ARHGAP32: variants seen among roughly 807,000 people sequenced by gnomAD.
ARHGAP32 encodes the protein Rho GTPase activating protein 32, also known as rho GTPase-activating protein 32.
ARHGAP32 carries 51 observed loss-of-function variants against 186.5 expected under a neutral mutation model. The ratio of observed to expected loss-of-function variants is 0.27; its 90% CI spans 0.22 to 0.35. ARHGAP32 has a LOEUF of 0.35. ARHGAP32 is among the 10% of genes least tolerant of loss of function. The pLI is 1.00. For synonymous variants in ARHGAP32, 950 were observed against 964.3 expected (o/e 0.99, Z 0.27); for missense variants, 2,186 against 2,623.5 (o/e 0.83, Z 3.64).
At chr11:128,984,799 G>A (rs1434654833) in intron 15 of ARHGAP32, among the ~76,000 whole-genome samples, 1 of 150,662 alleles carries the variant, frequency 6.6e-6, no homozygotes, top group Non-Finnish European at 1.5e-5. Flanking sequence ...CTATAAAATA[G>A]TGTGCAGAAG....
At chr11:129,052,246 A>C (rs981157422) in intron 10 of ARHGAP32, among the ~76,000 whole-genome samples, 5 of 152,142 alleles carry the variant, frequency 3.3e-5, no homozygotes, top group African/African-American at 1.2e-4. Flanking sequence ...AGGACTGTCT[A>C]TTCTTTCCCA....
chr11:128,981,463 T>G lies in ARHGAP32; in HGVS notation c.1733A>C (p.Asp578Ala). 6.2e-7 allele frequency: 1 copy of G among 1,613,766 alleles called. No homozygotes were observed. The highest frequency in any genetic ancestry group is 8.5e-7 in the Non-Finnish European group (1 of 1,179,822). Reference sequence around the variant, plus strand: ...GCTGATTCTGCCGCTGAACAGCACATCAACGTGATTCAGGATGAACTCAAC... The same window carrying G: ...GCTGATTCTGCCGCTGAACAGCACAGCAACGTGATTCAGGATGAACTCAAC... ...VVVEFILNHV[D>A]VLFSGRISMA... Residue 578 changes from aspartate to alanine, a missense_variant, in exon 17 of 23, where the codon GAT (aspartate) becomes GCT (alanine). Asp to Ala is a moderately radical substitution (Grantham distance 126, BLOSUM62 -2). This residue lies in a region of ARHGAP32 where 308 missense variants were observed against 596.5 expected (regional missense o/e 0.52). Coordinates refer to ENST00000682385, the MANE Select transcript of ARHGAP32 (RefSeq NM_001378024.1).
At chr11:128,976,737 T>G in intron 19 of ARHGAP32, 103 bp from the exon 20 acceptor site, 11 of 934,136 alleles carry the variant, frequency 1.2e-5, no homozygotes, top group Non-Finnish European at 1.7e-5. Context: ...TGAGAGTGAT[T>G]AGCTGTACAT....
chr11:129,109,146 T>C (rs1184128795), intron 5 of ARHGAP32, among the ~76,000 whole-genome samples: 1 of 152,184 alleles, frequency 6.6e-6, no homozygotes, highest in Non-Finnish European at 1.5e-5. Flanking sequence ...AGTGAGAATA[T>C]GCAATATTTG....
chr11:129,019,264 A>G (rs1461367556), intron 11 of ARHGAP32, among the ~76,000 whole-genome samples: 3 of 152,222 alleles, frequency 2.0e-5, no homozygotes, highest in Non-Finnish European at 4.4e-5. Flanking sequence ...ATAGTCAACA[A>G]AAATTGAAGG....
intron 5 of ARHGAP32, among the ~76,000 whole-genome samples, chr11:129,098,203 A>G (rs192847375): frequency 1.6e-4 from 24 of 152,290 alleles, no homozygotes; most frequent in Non-Finnish European, 8.8e-5. Context: ...CCTGCAGGGT[A>G]AAATAAATTA....
At chr11:128,992,808 G>C (rs1284772084) in intron 12 of ARHGAP32, among the ~76,000 whole-genome samples, 1 of 151,870 alleles carries the variant, frequency 6.6e-6, no homozygotes, top group African/African-American at 2.4e-5. Context: ...AAAACAAAAG[G>C]ATGCCAAAGT....
At chr11:129,262,460 C>G (rs767505855) in intron 1 of ARHGAP32, among the ~76,000 whole-genome samples, 3 of 151,940 alleles carry the variant, frequency 2.0e-5, no homozygotes, top group Non-Finnish European at 2.9e-5. Flanking sequence ...CTTGGCTCAC[C>G]GCAGCCTCCA....
intron 2 of ARHGAP32, among the ~76,000 whole-genome samples, chr11:129,131,594 C>T (rs1018550318): frequency 6.6e-6 from 1 of 151,924 alleles, no homozygotes. Context: ...AACCAGATCT[C>T]GTAAGAACTC....
intron 18 of ARHGAP32, among the ~76,000 whole-genome samples, chr11:128,979,715 A>C (rs1220836818): frequency 6.6e-6 from 1 of 152,230 alleles, no homozygotes; most frequent in African/African-American, 2.4e-5. Context: ...GTATACTAAA[A>C]TACGGGAAGA....
intron 6 of ARHGAP32, among the ~76,000 whole-genome samples, chr11:129,092,231 ATTTT>A (rs560443362): frequency 6.6e-6 from 1 of 151,462 alleles, no homozygotes; most frequent in Non-Finnish European, 1.5e-5. Flanking sequence ...AACAGCACAG[ATTTT>A]TTTTTATTTT....
At chr11:129,251,171 G>A (rs1945177946) in intron 1 of ARHGAP32, among the ~76,000 whole-genome samples, 1 of 152,136 alleles carries the variant, frequency 6.6e-6, no homozygotes, top group Non-Finnish European at 1.5e-5. Context: ...CTGATGATGA[G>A]GTAATGAAGT....
chr11:129,226,248 A>G (rs1944780519), intron 1 of ARHGAP32, among the ~76,000 whole-genome samples: 1 of 152,198 alleles, frequency 6.6e-6, no homozygotes, highest in Non-Finnish European at 1.5e-5. Flanking sequence ...CAAAACCTTT[A>G]CAACTTTGAT....
At chr11:129,098,918 G>T (rs1941813328) in intron 5 of ARHGAP32, among the ~76,000 whole-genome samples, 1 of 152,044 alleles carries the variant, frequency 6.6e-6, no homozygotes, top group African/African-American at 2.4e-5. Flanking sequence ...TATAACTTTA[G>T]AATGTTAAAT....
At chr11:129,073,234 C>A (rs955293658) in intron 6 of ARHGAP32, among the ~76,000 whole-genome samples, 2 of 152,064 alleles carry the variant, frequency 1.3e-5, no homozygotes, top group Non-Finnish European at 2.9e-5. Flanking sequence ...AGGAAAAAAA[C>A]ACCGTTTAAA....
intron 10 of ARHGAP32, among the ~76,000 whole-genome samples, chr11:129,049,601 T>G (rs1253675849): frequency 6.6e-6 from 1 of 152,182 alleles, no homozygotes; most frequent in Non-Finnish European, 1.5e-5. Context: ...TTACTTTCCA[T>G]TTTCTATAAT....
At chr11:129,162,473 G>C (rs1187160102) in intron 2 of ARHGAP32, among the ~76,000 whole-genome samples, 1 of 152,152 alleles carries the variant, frequency 6.6e-6, no homozygotes, top group Non-Finnish European at 1.5e-5. Context: ...TCAATGTTGA[G>C]TGTGAAATGA....
chr11:129,131,149 T>G (rs943803670), intron 2 of ARHGAP32, among the ~76,000 whole-genome samples: 1 of 152,092 alleles, frequency 6.6e-6, no homozygotes, highest in Non-Finnish European at 1.5e-5. Flanking sequence ...TAGAAATAAG[T>G]GTTACAACTG....
chr11:129,181,279 C>A (rs1029596458), intron 1 of ARHGAP32, among the ~76,000 whole-genome samples: 1 of 152,158 alleles, frequency 6.6e-6, no homozygotes, highest in Admixed American at 6.6e-5. Flanking sequence ...TATCTACTCT[C>A]TATTAGCAAC....
Sources: gnomAD v4.1 joint callset for allele counts (sites outside exome capture counted in the v4.1 genomes callset) on GRCh38, gnomAD v4.1.1 for gene constraint, gnomAD v4.1.1 regional missense constraint, MANE v1.5 for transcripts, NCBI Gene and HGNC (gene_info 2026-07-23, HGNC 2026-07-21) for gene names.